CASC3: variants seen among roughly 807,000 people sequenced by gnomAD.
The protein encoded by CASC3 is CASC3 exon junction complex subunit, also known as protein CASC3.
In CASC3, 30 loss-of-function variants were observed where a neutral mutation model predicts 80.5. That is an observed-to-expected ratio of 0.37 (90% confidence interval 0.28 to 0.51). CASC3 has a LOEUF of 0.51. Ranked by LOEUF, CASC3 falls within the 20% of genes least tolerant of loss-of-function variation. CASC3 has a pLI of 0.94. For synonymous variants in CASC3, 312 were observed against 333.6 expected, an observed-to-expected ratio of 0.94 and a Z score of 0.70; for missense variants, 824 against 922.2, an observed-to-expected ratio of 0.89 and a Z score of 1.38.
chr17:40,147,189 G>A (rs1988883243), intron 3 of CASC3, among the ~76,000 whole-genome samples: 1 of 152,200 alleles, frequency 6.6e-6, no homozygotes, highest in Non-Finnish European at 1.5e-5. Flanking sequence ...AGGCAGAAGA[G>A]CTGTTTAGAG....
chr17:40,143,533 A>C (rs1988776772), intron 3 of CASC3, among the ~76,000 whole-genome samples: 1 of 152,154 alleles, frequency 6.6e-6, no homozygotes, highest in Admixed American at 6.5e-5. Flanking sequence ...CTTATTGTAC[A>C]TTTAAAAATA....
At chr17:40,153,487 T>C (rs1456274391) in intron 3 of CASC3, among the ~76,000 whole-genome samples, 1 of 152,212 alleles carries the variant, frequency 6.6e-6, no homozygotes, top group Non-Finnish European at 1.5e-5. Context: ...TGGGGACATA[T>C]GTTTTCACTT....
chr17:40,165,547 A>C (rs928001400), intron 7 of CASC3, among the ~76,000 whole-genome samples: 7 of 152,266 alleles, frequency 4.6e-5, no homozygotes, highest in South Asian at 2.1e-4. Context: ...AAGTAGAAGA[A>C]GACAACGTTA....
rs776074877 is a variant in CASC3, at chr17:40,168,297, G to A, written c.1845G>A (p.Gln615=). The A allele has an allele frequency of 1.2e-6, 2 of 1,614,112 alleles. No homozygotes were observed. The highest frequency in any genetic ancestry group is 1.7e-6 in the Non-Finnish European group (2 of 1,180,024). Residue 615 remains glutamine, a synonymous_variant, in exon 11 of 14, where the codon CAG becomes CAA. Transcript: ENST00000264645. ...SMSPGQPPPQ[Q]LLAPTYFSAP... is the part of the protein sequence containing the mutation. ...CTCCAGGACAGCCACCACCTCAGCA[G>A]TTGCTTGCTCCTACTTACTTTTCTG... is the stretch of plus-strand genomic sequence containing the variant.
chr17:40,144,865 T>G (rs1437401781), intron 3 of CASC3, among the ~76,000 whole-genome samples: 1 of 149,462 alleles, frequency 6.7e-6, no homozygotes, highest in Non-Finnish European at 1.5e-5. Context: ...AATTAAGTTT[T>G]TTTTTTTTTT....
chr17:40,165,765 T>G (rs1989434056), intron 7 of CASC3, among the ~76,000 whole-genome samples: 1 of 145,894 alleles, frequency 6.9e-6, no homozygotes. Context: ...TTTTTTTTGT[T>G]TTTTTTTTTT....
chr17:40,163,476 T>G lies in CASC3; in HGVS notation c.786-5T>G. 1 of 1,580,026 alleles carries G rather than the reference T, an allele frequency of 6.3e-7. No individual in the cohort carries two copies. ...CTAACAGTTTCTTCATTCCATTTTTTGTAGATATGGGAGTCCTCCACAAAG... is the reference window on the plus strand; with the variant it reads ...CTAACAGTTTCTTCATTCCATTTTTGGTAGATATGGGAGTCCTCCACAAAG... On this transcript the variant is annotated splice_polypyrimidine_tract_variant and splice_region_variant and intron_variant, in intron 6 of 13. Coordinates refer to ENST00000264645, the MANE Select transcript of CASC3 (RefSeq NM_007359.5).
chr17:40,148,356 T>C (rs938770077), intron 3 of CASC3, among the ~76,000 whole-genome samples: 1 of 150,592 alleles, frequency 6.6e-6, no homozygotes, highest in African/African-American at 2.5e-5. Flanking sequence ...CAGGTCAGCT[T>C]CATCCCTTCA....
intron 3 of CASC3, among the ~76,000 whole-genome samples, chr17:40,144,345 C>CTTTTTTTTTTTTTTTTT (rs760229885): frequency 7.0e-6 from 1 of 142,762 alleles, no homozygotes; most frequent in Non-Finnish European, 1.5e-5. Flanking sequence ...CTTTCTTTTT[C>CTTTTTTTTTTTTTTTTT]TTTTTTTTTT....
intron 5 of CASC3, 61 bp from the exon 6 acceptor site, chr17:40,162,664 A>G (rs1989332315): frequency 6.4e-7 from 1 of 1,557,750 alleles, no homozygotes; most frequent in East Asian, 2.3e-5. Flanking sequence ...CATTTTGTTC[A>G]AGAACATCTC....
intron 7 of CASC3, among the ~76,000 whole-genome samples, chr17:40,166,123 A>G (rs1989444764): frequency 6.6e-6 from 1 of 152,154 alleles, no homozygotes; most frequent in African/African-American, 2.4e-5. Flanking sequence ...AGTGGATATC[A>G]TATTGGGCAG....
intron 3 of CASC3, among the ~76,000 whole-genome samples, chr17:40,148,231 G>C (rs1434182117): frequency 6.6e-6 from 1 of 152,050 alleles, no homozygotes; most frequent in Non-Finnish European, 1.5e-5. Context: ...TTCCCAGCTT[G>C]TTCTGGACCA....
Position 40,171,050 on chromosome 17 carries a change from T to TACAAG in CASC3, c.*645_*646insACAAG. On this transcript the variant is annotated 3_prime_UTR_variant, in exon 14 of 14. Transcript: ENST00000264645. ...TTTGTTATCCTCTTGTATACTTGTATTCCCTTAACTCTAACCCTGTGGAAG... is the reference window on the plus strand; with the variant it reads ...TTTGTTATCCTCTTGTATACTTGTATACAAGTCCCTTAACTCTAACCCTGTGGAAG... 2.0e-6 allele frequency: 2 copies of TACAAG among 985,494 alleles called. No homozygotes were observed. The highest frequency in any genetic ancestry group is 1.2e-6 in the Non-Finnish European group (1 of 829,940). 61.0% of individuals were successfully genotyped at this position (985,494 alleles called of 1,614,324 possible). A position where few individuals can be genotyped will look rare whatever the true frequency, so the allele number is the denominator to read the frequency against.
At chr17:40,152,547 C>T (rs1039762084) in intron 3 of CASC3, among the ~76,000 whole-genome samples, 9 of 151,970 alleles carry the variant, frequency 5.9e-5, no homozygotes, top group Admixed American at 3.3e-4. Context: ...TCTCGAGCTC[C>T]CGACCTCAGG....
intron 8 of CASC3, chr17:40,167,216 C>A (rs113089980): frequency 4.6e-5 from 24 of 520,764 alleles, no homozygotes; most frequent in African/African-American, 2.9e-4. Context: ...ACCCTGGCCT[C>A]CCAAAGTATT....
Position 40,168,263 on chromosome 17 carries a change from T to A in CASC3, c.1811T>A (p.Val604Glu), listed in dbSNP as rs1178329410. ...LPNPGLYPPP[V>E]SMSPGQPPPQ... ...AATCCAGGCCTCTATCCCCCACCAG[T>A]GTCCATGTCTCCAGGACAGCCACCA... The change falls in exon 11 of 14, where the codon GTG (valine) becomes GAG (glutamate). Residue 604 changes from valine (V) to glutamate (E), a missense_variant. By Grantham distance (121) the Val-to-Glu change is moderately radical. Coordinates refer to ENST00000264645, the MANE Select transcript of CASC3 (RefSeq NM_007359.5). The A allele has an allele frequency of 2.5e-6, 4 of 1,614,050 alleles. No individual in the cohort carries two copies. The highest frequency in any genetic ancestry group is 3.4e-6 in the Non-Finnish European group (4 of 1,180,034).
At chr17:40,141,097 C>T in intron 1 of CASC3, 110 bp from the exon 2 acceptor site, 2 of 1,020,072 alleles carry the variant, frequency 2.0e-6, no homozygotes, top group Non-Finnish European at 3.1e-6. Flanking sequence ...TCTCTGTCTC[C>T]CTCTCCAACC....
rs1415681863 is a variant in CASC3 at position 40,140,600 on chromosome 17, T to G, written c.52T>G (p.Ser18Ala). Residue 18 changes from serine to alanine, a missense_variant, in exon 1 of 14, where the codon TCT becomes GCT. Transcript: ENST00000264645. ...RASQDTEDEE[S>A]GASGSDSGGS... The stretch of plus-strand genomic sequence containing the variant: ...TTCGCAAGACACCGAGGACGAGGAA[T>G]CTGGTGCTTCGGGCTCCGACAGCGG... The G allele has an allele frequency of 9.3e-6, 15 of 1,610,282 alleles. No individual in the cohort carries two copies. Among genetic ancestry groups the G allele is most frequent in the Non-Finnish European group, 1.3e-5 (15 of 1,179,374 alleles).
intron 3 of CASC3, among the ~76,000 whole-genome samples, chr17:40,144,344 T>C (rs988308318): frequency 1.3e-5 from 2 of 151,538 alleles, no homozygotes; most frequent in Non-Finnish European, 2.9e-5. Flanking sequence ...ACTTTCTTTT[T>C]CTTTTTTTTT....
Sources: allele counts gnomAD v4.1 joint callset (sites outside exome capture counted in the v4.1 genomes callset), GRCh38; gene constraint gnomAD v4.1.1; transcripts MANE v1.5; gene names NCBI Gene and HGNC (gene_info 2026-07-23, HGNC 2026-07-21).